SHANK2: variants seen among roughly 807,000 people sequenced by gnomAD.
The protein encoded by SHANK2 is SH3 and multiple ankyrin repeat domains protein 2.
SHANK2 carries 43 observed loss-of-function variants against 133.7 expected under a neutral mutation model. The observed-to-expected ratio is 0.32, with a 90% CI of 0.25 to 0.41. The LOEUF (loss-of-function observed/expected upper bound fraction) is 0.41, where lower values mean the gene tolerates loss of function less well. SHANK2 is among the 10% of genes least tolerant of loss of function. The probability of loss-of-function intolerance (pLI) is 1.00; values close to 1 mark genes in which losing one functional copy is unlikely to be tolerated. For missense variants in SHANK2, 1,994 were observed against 2,235.8 expected, an observed-to-expected ratio of 0.89 and a Z score of 2.18; for synonymous variants, 1,017 against 952.8, an observed-to-expected ratio of 1.07 and a Z score of -1.24.
chr11:70,562,337 C>T (rs137953982), intron 17 of SHANK2, among the ~76,000 whole-genome samples: 2 of 152,310 alleles, frequency 1.3e-5, no homozygotes, highest in African/African-American at 4.8e-5. Flanking sequence ...TATATCCCGG[C>T]TGACTTTCTG....
intron 9 of SHANK2, among the ~76,000 whole-genome samples, chr11:71,073,136 C>CTTTTTTTTTTTTT (rs1178533659): frequency 1.4e-5 from 1 of 72,336 alleles, no homozygotes; most frequent in Non-Finnish European, 3.5e-5. Context: ...TGTTTTTTTT[C>CTTTTTTTTTTTTT]TTTTTCTTTT....
chr11:70,488,494 C>T (rs2058843516), intron 24 of SHANK2, among the ~76,000 whole-genome samples: 1 of 152,188 alleles, frequency 6.6e-6, no homozygotes, highest in African/African-American at 2.4e-5. Flanking sequence ...TCTATGTGTC[C>T]TCGAGCTCTC....
At chr11:70,802,273 G>A (rs1555050714) in intron 13 of SHANK2, among the ~76,000 whole-genome samples, 1 of 152,170 alleles carries the variant, frequency 6.6e-6, no homozygotes, top group Non-Finnish European at 1.5e-5. Flanking sequence ...GGCCACAGTG[G>A]GGATAAGCTT....
intron 9 of SHANK2, among the ~76,000 whole-genome samples, chr11:71,069,094 CCAT>C (rs1391835758): frequency 6.7e-6 from 1 of 149,704 alleles, no homozygotes; most frequent in Admixed American, 6.7e-5. Context: ...ACCATCATCA[CCAT>C]CATCATTATC....
At chr11:70,502,971 C>G (rs557132319) in intron 17 of SHANK2, 40 bp from the exon 18 acceptor site, 2 of 1,612,168 alleles carry the variant, frequency 1.2e-6, no homozygotes, top group Non-Finnish European at 8.5e-7. Context: ...TGAGAGCCAG[C>G]GGAGAGGAAG....
chr11:71,175,590 G>C lies in SHANK2; in HGVS notation c.-12-28252C>G, dbSNP rs542137968. Among the ~76,000 whole-genome samples the C allele has an allele frequency of 3.6e-4, 53 of 145,226 alleles. No individual in the cohort carries two copies. The East Asian group carries it at 6.9e-3, about 19-fold the overall frequency. On this transcript the variant is annotated intron_variant, in intron 2 of 25. Coordinates refer to ENST00000601538, the MANE Select transcript of SHANK2 (RefSeq NM_012309.5). This position sits in a 1 kb window ranked among gnomAD's most constrained non-coding sequence, Gnocchi z 4.2. ...AGAGAGAGAGAGAGAGAGAGAGAGA[G>C]AGAGAGAGAGAGACAGAGACAGAGA...
chr11:70,548,791 ACTGGGGTACATCCTAATCCAGT>A (rs2059727887), intron 17 of SHANK2, among the ~76,000 whole-genome samples: 4 of 152,210 alleles, frequency 2.6e-5, no homozygotes, highest in African/African-American at 9.6e-5. Flanking sequence ...AGATGAGGTC[ACTGGGGTACATCCTAATCCAGT>A]CATTGGTGTT....
At chr11:70,954,919 C>A (rs1490459603) in intron 10 of SHANK2, among the ~76,000 whole-genome samples, 1 of 152,230 alleles carries the variant, frequency 6.6e-6, no homozygotes, top group Non-Finnish European at 1.5e-5. Flanking sequence ...GCTCTTCATC[C>A]ACAGGAGGCC....
At chr11:70,795,534 G>C (rs1033332202) in intron 14 of SHANK2, among the ~76,000 whole-genome samples, 1 of 151,838 alleles carries the variant, frequency 6.6e-6, no homozygotes, top group Non-Finnish European at 1.5e-5. Context: ...GCCTCCCGAG[G>C]AGCTGGGACT....
At chr11:71,087,317 G>C (rs1951432546) in intron 8 of SHANK2, among the ~76,000 whole-genome samples, 2 of 152,178 alleles carry the variant, frequency 1.3e-5, no homozygotes, top group African/African-American at 2.4e-5. Context: ...GCCTGGTTGG[G>C]AGAGAGGGCA....
intron 15 of SHANK2, among the ~76,000 whole-genome samples, chr11:70,672,068 T>C (rs1439085422): frequency 3.3e-4 from 48 of 147,310 alleles, no homozygotes; most frequent in African/African-American, 2.5e-5. Flanking sequence ...TTCTTTTTCT[T>C]TTTTTTTTTT....
chr11:71,211,852 C>G (rs940126285), intron 2 of SHANK2, among the ~76,000 whole-genome samples: 1 of 152,010 alleles, frequency 6.6e-6, no homozygotes, highest in African/African-American at 2.4e-5. Flanking sequence ...AAAAGCTTTG[C>G]AGTTGTCCAG....
chr11:70,887,590 G>A (rs1002884837), intron 11 of SHANK2, among the ~76,000 whole-genome samples: 1 of 151,992 alleles, frequency 6.6e-6, no homozygotes, highest in African/African-American at 2.4e-5. Context: ...TTCCAGCATC[G>A]TAAGGGCACT....
intron 17 of SHANK2, among the ~76,000 whole-genome samples, chr11:70,590,643 G>C (rs1253498399): frequency 6.6e-6 from 1 of 152,172 alleles, no homozygotes; most frequent in African/African-American, 2.4e-5. Flanking sequence ...CGAAGGCTCT[G>C]ATGATTGCTA....
At position 70,599,889 on chromosome 11, in the gene SHANK2, AAAAGAAAGAAAGAAAG is replaced by A. The variant is rs375345496; in HGVS notation, c.2061+59923_2061+59938del. Among the ~76,000 whole-genome samples the A allele has an allele frequency of 1.7e-3, 122 of 73,518 alleles. 3 individuals are homozygous for A. The highest frequency in any genetic ancestry group is 4.1e-3 in the East Asian group (8 of 1,934). 48.2% of individuals were successfully genotyped at this position (73,518 alleles called of 152,430 possible). A position where few individuals can be genotyped will look rare whatever the true frequency, so the allele number is the denominator to read the frequency against. ...AAAGAAAGAAAGAAAGAAAGAAAGAAAAAGAAAGAAAGAAAGAGAAAGAAAGAAAGAAAGAAAGAAA... is the reference window on the plus strand; with the variant it reads ...AAAGAAAGAAAGAAAGAAAGAAAGAAAGAAAGAAAGAAAGAAAGAAAGAAA... On this transcript the variant is annotated intron_variant, in intron 17 of 25. Coordinates refer to ENST00000601538, the MANE Select transcript of SHANK2 (RefSeq NM_012309.5).
intron 1 of SHANK2, among the ~76,000 whole-genome samples, chr11:71,245,247 T>C (rs1301003166): frequency 2.0e-5 from 3 of 152,194 alleles, no homozygotes; most frequent in Non-Finnish European, 4.4e-5. Context: ...CCCAAAGTGC[T>C]GGGATTACAG....
chr11:70,571,163 T>A (rs1281433177), intron 17 of SHANK2: 1 of 152,234 alleles, frequency 6.6e-6, no homozygotes, highest in Non-Finnish European at 1.5e-5. Flanking sequence ...GTGTCCACTC[T>A]GGGGTCAAGG....
At chr11:70,928,306 G>T (rs1012931377) in intron 10 of SHANK2, among the ~76,000 whole-genome samples, 5 of 152,162 alleles carry the variant, frequency 3.3e-5, no homozygotes, top group Non-Finnish European at 5.9e-5. Flanking sequence ...TGCTTGAAGG[G>T]GGAAAACTGG....
At position 70,487,427 on chromosome 11, in the gene SHANK2, G is replaced by A. The variant is rs1555154464; in HGVS notation, c.2866C>T (p.Leu956=). Residue 956 remains leucine, a synonymous_variant, in exon 25 of 26, where the codon CTG becomes TTG. Coordinates refer to ENST00000601538, the MANE Select transcript of SHANK2 (RefSeq NM_012309.5). The surrounding 1 kb of genome is among the most constrained non-coding windows in gnomAD (Gnocchi z 5.8). ...REKGMYFRRE[L]DRYSLDSEDL... ...TCAGAGTCCAAGGAGTAGCGGTCCA[G>A]CTCTCTCCTGAAGTACATCCCCTTC... The A allele has an allele frequency of 6.2e-7, 1 of 1,614,142 alleles. No individual in the cohort carries two copies. Among genetic ancestry groups the A allele is most frequent in the South Asian group, 1.1e-5 (1 of 91,082 alleles).
Sources: allele counts gnomAD v4.1 joint callset (sites outside exome capture counted in the v4.1 genomes callset), GRCh38; gene constraint gnomAD v4.1.1; non-coding constraint Gnocchi (gnomAD v3.1); transcripts MANE v1.5; gene names NCBI Gene and HGNC (gene_info 2026-07-23, HGNC 2026-07-21).